Variants in GPC5 observed in about 807,000 individuals in gnomAD.
GPC5 encodes glypican-5.
A neutral mutation model predicts 53.9 loss-of-function variants in GPC5; 47 were observed. That is an observed-to-expected ratio of 0.87 (90% CI 0.69 to 1.11). GPC5 has a LOEUF of 1.11. Ranked by LOEUF, GPC5 falls within the 50% of genes most tolerant of loss-of-function variation. The probability of loss-of-function intolerance (pLI) is 0.00; values close to 1 mark genes in which losing one functional copy is unlikely to be tolerated. For synonymous variants in GPC5, 286 were observed against 263.3 expected, an observed-to-expected ratio of 1.09 and a Z score of -0.84; for missense variants, 748 against 713.1, an observed-to-expected ratio of 1.05 and a Z score of -0.56.
chr13:91,937,149 C>A (rs2039878545), intron 6 of GPC5, among the ~76,000 whole-genome samples: 1 of 152,010 alleles, frequency 6.6e-6, no homozygotes, highest in South Asian at 2.1e-4. Flanking sequence ...ATGCCTATGA[C>A]CCTTGACAAA....
intron 6 of GPC5, among the ~76,000 whole-genome samples, chr13:91,990,532 G>A (rs1470804551): frequency 6.6e-6 from 1 of 151,920 alleles, no homozygotes; most frequent in Non-Finnish European, 1.5e-5. Context: ...TCCTCTTGAA[G>A]ATTTGTATTA....
chr13:92,144,866 G>C lies in GPC5; in HGVS notation c.1438G>C (p.Glu480Gln), dbSNP rs777802113. The C allele has an allele frequency of 6.2e-7, 1 of 1,612,044 alleles. No individual in the cohort carries two copies. The highest frequency in any genetic ancestry group is 1.3e-5 in the African/African-American group (1 of 74,776). ...TAGATCACCCAAACCTGACAAGTGG[G>C]AACTTCTTCAGCTGGGCAGTGGTGG... ...QGRSPKPDKW[E>Q]LLQLGSGGGM... The change falls in exon 7 of 8, where the codon GAA becomes CAA. Residue 480 changes from glutamate (E) to glutamine (Q), a missense_variant. Coordinates refer to ENST00000377067, the MANE Select transcript of GPC5 (RefSeq NM_004466.6).
intron 2 of GPC5, among the ~76,000 whole-genome samples, chr13:91,636,861 G>A (rs2139457712): frequency 6.6e-6 from 1 of 152,274 alleles, no homozygotes; most frequent in East Asian, 1.9e-4. Flanking sequence ...TGTAGGCTGA[G>A]ATAGGAGCAT....
At chr13:91,506,148 C>T (rs1254592463) in intron 2 of GPC5, among the ~76,000 whole-genome samples, 3 of 152,184 alleles carry the variant, frequency 2.0e-5, no homozygotes, top group Non-Finnish European at 4.4e-5. Flanking sequence ...CTATTTAAGT[C>T]AAGGTTTTCT....
At chr13:92,004,319 C>T (rs1236738365) in intron 6 of GPC5, among the ~76,000 whole-genome samples, 1 of 150,394 alleles carries the variant, frequency 6.6e-6, no homozygotes, top group Non-Finnish European at 1.5e-5. Flanking sequence ...GTGACGTGCG[C>T]CTGTAGTCCC....
At chr13:92,596,104 C>G (rs982204740) in intron 7 of GPC5, among the ~76,000 whole-genome samples, 2 of 152,102 alleles carry the variant, frequency 1.3e-5, no homozygotes, top group South Asian at 2.1e-4. Context: ...ATTTAACCCT[C>G]TTAATTTTTC....
intron 7 of GPC5, among the ~76,000 whole-genome samples, chr13:92,776,917 G>A (rs558579865): frequency 3.3e-5 from 5 of 151,358 alleles, no homozygotes; most frequent in South Asian, 2.1e-4. Context: ...TCAGCTACTC[G>A]GGAGGCTGAG....
chr13:92,175,794 A>G (rs897161686), intron 7 of GPC5, among the ~76,000 whole-genome samples: 4 of 152,138 alleles, frequency 2.6e-5, no homozygotes, highest in African/African-American at 9.7e-5. Flanking sequence ...CCTCAAAGAA[A>G]AAAAAAACAT....
intron 7 of GPC5, among the ~76,000 whole-genome samples, chr13:92,598,669 A>G (rs1159324375): frequency 6.6e-6 from 1 of 152,198 alleles, no homozygotes; most frequent in African/African-American, 2.4e-5. Flanking sequence ...ATAAATTTAC[A>G]CCGAACAAAT....
chr13:92,292,381 T>C (rs2043002906), intron 7 of GPC5, among the ~76,000 whole-genome samples: 2 of 152,324 alleles, frequency 1.3e-5, no homozygotes, highest in South Asian at 4.1e-4. Context: ...GTTGCTGGAG[T>C]AAGGTGGTAT....
intron 2 of GPC5, among the ~76,000 whole-genome samples, chr13:91,513,469 G>A (rs1017922675): frequency 2.6e-4 from 39 of 152,094 alleles, no homozygotes; most frequent in East Asian, 2.5e-3. Flanking sequence ...GGCTGGGCGC[G>A]GTGGCTCATG....
chr13:92,849,535 C>G (rs1878721829), intron 7 of GPC5, among the ~76,000 whole-genome samples: 1 of 152,100 alleles, frequency 6.6e-6, no homozygotes, highest in Non-Finnish European at 1.5e-5. Context: ...AAAACAGAGG[C>G]AAATTTTTTC....
intron 7 of GPC5, among the ~76,000 whole-genome samples, chr13:92,306,678 C>T (rs2043112864): frequency 6.6e-6 from 1 of 152,222 alleles, no homozygotes; most frequent in African/African-American, 2.4e-5. Context: ...CTACCCCCAC[C>T]TTCAACCTAT....
At chr13:92,785,598 T>C (rs1474595395) in intron 7 of GPC5, among the ~76,000 whole-genome samples, 1 of 152,216 alleles carries the variant, frequency 6.6e-6, no homozygotes, top group African/African-American at 2.4e-5. Flanking sequence ...AACCTAGGAA[T>C]CCATCATATA....
intron 7 of GPC5, among the ~76,000 whole-genome samples, chr13:92,158,642 C>A (rs2041963072): frequency 6.6e-6 from 1 of 152,064 alleles, no homozygotes; most frequent in Non-Finnish European, 1.5e-5. Flanking sequence ...AATTTCTTTT[C>A]TTTCACATCC....
intron 2 of GPC5, among the ~76,000 whole-genome samples, chr13:91,673,575 T>C (rs2035301199): frequency 6.6e-6 from 1 of 152,166 alleles, no homozygotes; most frequent in South Asian, 2.1e-4. Flanking sequence ...TAAGCTTCCT[T>C]AGCGTGATGG....
intron 7 of GPC5, among the ~76,000 whole-genome samples, chr13:92,145,284 T>A (rs2041859028): frequency 6.6e-6 from 1 of 152,084 alleles, no homozygotes; most frequent in Non-Finnish European, 1.5e-5. Flanking sequence ...GGATACTAAT[T>A]GTATATTGAT....
At chr13:91,475,031 A>G (rs1265959442) in intron 2 of GPC5, among the ~76,000 whole-genome samples, 1 of 152,196 alleles carries the variant, frequency 6.6e-6, no homozygotes, top group African/African-American at 2.4e-5. Flanking sequence ...AATATAAAGA[A>G]CGTTACTATA....
In GPC5 at chr13:91,621,761, T is replaced by TTA. The variant is rs1555331079; in HGVS notation, c.326-71396_326-71395dup. Among the ~76,000 whole-genome samples, 106 of 46,872 alleles carry TTA rather than the reference T, an allele frequency of 2.3e-3. 4 individuals carry two copies. Among genetic ancestry groups the TTA allele is most frequent in the African/African-American group, 5.5e-3 (98 of 17,938 alleles). 30.7% of individuals were successfully genotyped at this position (46,872 alleles called of 152,430 possible). On this transcript the variant is annotated intron_variant, in intron 2 of 7. Transcript: ENST00000377067. ...CAGGGTTCTCTAAAGGGACAGAACA[T>TTA]TATATATATATATATATATATATAT...
Sources: allele counts gnomAD v4.1 joint callset (sites outside exome capture counted in the v4.1 genomes callset), GRCh38; gene constraint gnomAD v4.1.1; transcripts MANE v1.5; gene names NCBI Gene and HGNC (gene_info 2026-07-23, HGNC 2026-07-21).